NUP133: variants seen among roughly 807,000 people sequenced by gnomAD.
The protein encoded by NUP133 is nucleoporin 133.
Under a neutral mutation model 146.2 loss-of-function variants are expected in NUP133, and 66 were observed. The ratio of observed to expected loss-of-function variants is 0.45; its 90% confidence interval spans 0.37 to 0.55. NUP133 has a LOEUF of 0.55. NUP133 is among the 20% of genes least tolerant of loss of function. NUP133 has a pLI of 0.00. For missense variants in NUP133, 1,277 were observed against 1,374.8 expected (o/e 0.93, Z 1.12); for synonymous variants, 521 against 498.8 (o/e 1.04, Z -0.59).
At chr1:229,490,358 A>C (rs1291550898) in intron 8 of NUP133, among the ~76,000 whole-genome samples, 1 of 152,120 alleles carries the variant, frequency 6.6e-6, no homozygotes, top group Non-Finnish European at 1.5e-5. Context: ...TGAATAGATA[A>C]ACAAACTGTG....
chr1:229,498,996 T>G (rs1241406860), intron 5 of NUP133, among the ~76,000 whole-genome samples: 1 of 152,152 alleles, frequency 6.6e-6, no homozygotes, highest in Non-Finnish European at 1.5e-5. Flanking sequence ...TCTCCTGGGC[T>G]CAAGAGATCC....
chr1:229,480,723 C>T (rs1173619690), intron 12 of NUP133, among the ~76,000 whole-genome samples: 1 of 152,094 alleles, frequency 6.6e-6, no homozygotes, highest in Non-Finnish European at 1.5e-5. Flanking sequence ...AAACAGCTTA[C>T]AATGCACCGC....
chr1:229,503,223 A>T (rs1054713473), intron 2 of NUP133, among the ~76,000 whole-genome samples: 3 of 152,034 alleles, frequency 2.0e-5, no homozygotes, highest in African/African-American at 7.2e-5. Context: ...GGTTGCATTG[A>T]GCTGAGATCG....
At chr1:229,483,637 G>A (rs1179473056) in intron 12 of NUP133, among the ~76,000 whole-genome samples, 1 of 149,850 alleles carries the variant, frequency 6.7e-6, no homozygotes, top group Non-Finnish European at 1.5e-5. Flanking sequence ...CCCGGGAGGC[G>A]GAGTTTGCAG....
intron 8 of NUP133, among the ~76,000 whole-genome samples, chr1:229,492,835 G>A (rs1661559755): frequency 6.6e-6 from 1 of 151,674 alleles, no homozygotes; most frequent in African/African-American, 2.4e-5. Flanking sequence ...GGTGACAGGT[G>A]CACTAAAATT....
chr1:229,464,658 G>A lies in NUP133; in HGVS notation c.2517C>T (p.Tyr839=). The change falls in exon 18 of 26, where the codon TAC becomes TAT. Residue 839 remains tyrosine (Y), a synonymous_variant. Transcript: ENST00000261396. Reference sequence around the variant, plus strand: ...ATAAGAGATCTGATCTTTTCTGTAGGTATTCCATCTCCAGATTGTCATATC... The same window carrying A: ...ATAAGAGATCTGATCTTTTCTGTAGATATTCCATCTCCAGATTGTCATATC... ...RERYDNLEME[Y]LQKRSDLLSP... 2 of 1,614,008 alleles carry A rather than the reference G, an allele frequency of 1.2e-6. No homozygotes were observed. Among genetic ancestry groups the A allele is most frequent in the Non-Finnish European group, 8.5e-7 (1 of 1,179,908 alleles).
At chr1:229,454,163 T>C (rs1361989683) in intron 21 of NUP133, among the ~76,000 whole-genome samples, 3 of 152,176 alleles carry the variant, frequency 2.0e-5, no homozygotes, top group Admixed American at 6.6e-5. Flanking sequence ...GCACATCTCC[T>C]AGGCAGCAAG....
At chr1:229,477,526 T>C (rs1558099637) in intron 13 of NUP133, 71 bp downstream of exon 13, 2 of 1,235,274 alleles carry the variant, frequency 1.6e-6, no homozygotes, top group Non-Finnish European at 1.1e-6. Context: ...AAATATGCTT[T>C]AAGAGATGCT....
At chr1:229,473,058 C>T (rs545808138) in intron 14 of NUP133, among the ~76,000 whole-genome samples, 44 of 152,134 alleles carry the variant, frequency 2.9e-4, no homozygotes, top group African/African-American at 8.4e-4. Context: ...TTGAGACCAG[C>T]CTGGGCAACA....
At chr1:229,449,802 T>C (rs1373348816) in intron 23 of NUP133, among the ~76,000 whole-genome samples, 2 of 148,364 alleles carry the variant, frequency 1.3e-5, no homozygotes, top group Non-Finnish European at 3.0e-5. Context: ...CACTATAACC[T>C]GTTGAAACAC....
At chr1:229,480,802 T>A (rs955916576) in intron 12 of NUP133, among the ~76,000 whole-genome samples, 1 of 151,028 alleles carries the variant, frequency 6.6e-6, no homozygotes, top group Non-Finnish European at 1.5e-5. Context: ...TTCTCCTGCC[T>A]CAGTCTCCTG....
intron 8 of NUP133, among the ~76,000 whole-genome samples, chr1:229,494,643 T>G (rs1391477789): frequency 6.6e-6 from 1 of 152,218 alleles, no homozygotes; most frequent in East Asian, 1.9e-4. Flanking sequence ...CAGACTAACC[T>G]AGGATCCTAT....
intron 2 of NUP133, among the ~76,000 whole-genome samples, chr1:229,505,067 C>A (rs1469257716): frequency 6.6e-6 from 1 of 152,172 alleles, no homozygotes. Context: ...TTTAGCTCAT[C>A]AGCTATCGTA....
intron 12 of NUP133, 119 bp from the exon 13 acceptor site, chr1:229,477,879 C>T (rs966156188): frequency 1.3e-5 from 9 of 698,204 alleles, no homozygotes; most frequent in East Asian, 8.3e-5. Context: ...TCCTGTCATT[C>T]GCAACAGTAG....
chr1:229,479,001 A>G (rs1430700599), intron 12 of NUP133, among the ~76,000 whole-genome samples: 1 of 152,218 alleles, frequency 6.6e-6, no homozygotes, highest in Non-Finnish European at 1.5e-5. Context: ...GTCCCCTCTT[A>G]TTCATGGTTT....
intron 1 of NUP133, among the ~76,000 whole-genome samples, chr1:229,507,399 T>G (rs1661972751): frequency 6.6e-6 from 1 of 152,106 alleles, no homozygotes; most frequent in South Asian, 2.1e-4. Flanking sequence ...ACACTAAAGT[T>G]TTAGGTTAAT....
At chr1:229,490,929 C>T (rs1248255818) in intron 8 of NUP133, among the ~76,000 whole-genome samples, 13 of 145,886 alleles carry the variant, frequency 8.9e-5, no homozygotes, top group African/African-American at 1.0e-4. Context: ...CCAGCCTGGG[C>T]GATAGAGTGA....
chr1:229,448,241 A>G (rs1660358346), intron 24 of NUP133, among the ~76,000 whole-genome samples: 1 of 152,128 alleles, frequency 6.6e-6, no homozygotes, highest in South Asian at 2.1e-4. Flanking sequence ...GCAGCCTGAC[A>G]AACATGGTGA....
chr1:229,466,783 C>T, intron 15 of NUP133, 27 bp from the exon 16 acceptor site: 1 of 1,611,984 alleles, frequency 6.2e-7, no homozygotes. Context: ...AAGTAAACTA[C>T]TTACAACAAA....
Sources: gnomAD v4.1 joint callset for allele counts (sites outside exome capture counted in the v4.1 genomes callset) on GRCh38, gnomAD v4.1.1 for gene constraint, MANE v1.5 for transcripts, NCBI Gene and HGNC (gene_info 2026-07-23, HGNC 2026-07-21) for gene names.